The following PITRM1 variants were observed in gnomAD, a reference collection of about 807,000 sequenced individuals.
PITRM1 encodes the protein pitrilysin metallopeptidase 1.
A neutral mutation model predicts 129.9 loss-of-function variants in PITRM1; 100 were observed. That is an observed-to-expected ratio of 0.77 (90% confidence interval 0.65 to 0.91). PITRM1 has a LOEUF of 0.91. Among genes scored for constraint, PITRM1 ranks in the 40% least tolerant of loss-of-function variants. The probability of loss-of-function intolerance (pLI) is 0.00; values close to 1 mark genes in which losing one functional copy is unlikely to be tolerated. For synonymous variants in PITRM1, 591 were observed against 508.8 expected, an observed-to-expected ratio of 1.16 and a Z score of -2.17; for missense variants, 1,471 against 1,318.3, an observed-to-expected ratio of 1.12 and a Z score of -1.79.
chr10:3,143,288 AG>A (rs1360595281), intron 23 of PITRM1, 100 bp downstream of exon 23: 1 of 729,616 alleles, frequency 1.4e-6, no homozygotes, highest in African/African-American at 1.7e-5. Flanking sequence ...GAGTCAGCAC[AG>A]ACTTTTCCTG....
intron 14 of PITRM1, among the ~76,000 whole-genome samples, chr10:3,154,355 G>C (rs1011261275): frequency 3.3e-5 from 5 of 152,196 alleles, no homozygotes; most frequent in Non-Finnish European, 5.9e-5. Context: ...GTGCATGTTG[G>C]CTGGCACTGT....
At chr10:3,169,990 T>C in intron 2 of PITRM1, 114 bp downstream of exon 2, 1 of 691,642 alleles carries the variant, frequency 1.4e-6, no homozygotes, top group Non-Finnish European at 2.5e-6. Context: ...GCCAGGGCCT[T>C]GGGACACAAG....
At chr10:3,150,484 T>A (rs1480711171) in intron 15 of PITRM1, among the ~76,000 whole-genome samples, 1 of 152,110 alleles carries the variant, frequency 6.6e-6, no homozygotes, top group Non-Finnish European at 1.5e-5. Context: ...TGGAGACGCT[T>A]CACAGGACAC....
chr10:3,172,797 C>A (rs771918313), upstream of PITRM1: 213 of 1,471,352 alleles, frequency 1.4e-4, 3 homozygotes, highest in South Asian at 2.5e-3. Flanking sequence ...ACCTGGCTGG[C>A]GAGGAACCCC....
At position 3,147,152 on chromosome 10, in the gene PITRM1, CAT is replaced by C; in HGVS notation, c.2332_2333del (p.Met778GlufsTer23). 6.8e-7 allele frequency: 1 copy of C among 1,465,206 alleles called. No homozygotes were observed. The highest frequency in any genetic ancestry group is 9.6e-7 in the Non-Finnish European group (1 of 1,045,056). 90.8% of individuals were successfully genotyped at this position (1,465,206 alleles called of 1,614,324 possible). ...TTAGAAACAAATCACACATGCACCTCATATTATCACCATTTAACAAGTGTTTC... is the reference window on the plus strand; with the variant it reads ...TTAGAAACAAATCACACATGCACCTCATTATCACCATTTAACAAGTGTTTC... Reference protein sequence around the residue: ...IKKHLLNGDNMRCSVNATPQQ... With the variant: ...IKKHLLNGDNXRCSVNATPQQ... On this transcript the variant is annotated frameshift_variant, in exon 20 of 27. Coordinates refer to ENST00000224949, the MANE Select transcript of PITRM1 (RefSeq NM_014889.4). LOFTEE classifies it high-confidence loss of function.
intron 2 of PITRM1, among the ~76,000 whole-genome samples, chr10:3,167,307 G>A (rs1355988750): frequency 6.6e-6 from 1 of 152,202 alleles, no homozygotes; most frequent in Non-Finnish European, 1.5e-5. Context: ...GAGCGAGCGC[G>A]AGAGCGCACG....
chr10:3,158,997 T>G lies in PITRM1; in HGVS notation c.1053A>C (p.Ser351=), dbSNP rs1179733013. The change falls in exon 10 of 27, where the codon TCA becomes TCC. Residue 351 remains serine (S), a synonymous_variant. Transcript: ENST00000224949. ...FEAFTLSLLS[S]LLTSGPNSPF... ...GAGAATTGGGCCCAGAAGTCAAGAGTGAAGACAGAAGACTTAATGTGAAGG... is the reference window on the plus strand; with the variant it reads ...GAGAATTGGGCCCAGAAGTCAAGAGGGAAGACAGAAGACTTAATGTGAAGG... 6.2e-7 allele frequency: 1 copy of G among 1,612,482 alleles called. No individual in the cohort carries two copies. Among genetic ancestry groups the G allele is most frequent in the Admixed American group, 1.7e-5 (1 of 59,908 alleles).
chr10:3,138,827 C>A (rs781704632), intron 25 of PITRM1, 77 bp downstream of exon 25: 3 of 1,396,508 alleles, frequency 2.1e-6, no homozygotes, highest in Non-Finnish European at 3.1e-6. Flanking sequence ...CCTGCCCATG[C>A]ATGCCGGGAA....
Position 3,147,080 on chromosome 10 carries a change from TAAG to T in PITRM1, c.2336+67_2336+69del, listed in dbSNP as rs763034746. 1.6e-3 allele frequency: 1,288 copies of T among 828,386 alleles called. 17 individuals carry two copies. The African/African-American group carries it at 0.02, about 13-fold the overall frequency. 51.3% of individuals were successfully genotyped at this position (828,386 alleles called of 1,614,324 possible). ...CACTCTATCTTGAAGTTTCTACAAG[TAAG>T]AAATACCTAAAAACTATACTTAATA... On this transcript the variant is annotated intron_variant, in intron 20 of 26. Coordinates refer to ENST00000224949, the MANE Select transcript of PITRM1 (RefSeq NM_014889.4).
chr10:3,158,842 G>T, intron 10 of PITRM1, 72 bp downstream of exon 10: 2 of 1,370,690 alleles, frequency 1.5e-6, no homozygotes, highest in Non-Finnish European at 2.0e-6. Flanking sequence ...GCCGGGACAG[G>T]GTGCGGAGGT....
chr10:3,165,111 C>T, intron 6 of PITRM1, 127 bp downstream of exon 6: 1 of 752,598 alleles, frequency 1.3e-6, no homozygotes, highest in East Asian at 2.7e-5. Flanking sequence ...GCACTGACCC[C>T]AGCTAATTCA....
intron 15 of PITRM1, among the ~76,000 whole-genome samples, chr10:3,150,179 T>C (rs1217995461): frequency 1.3e-5 from 2 of 152,072 alleles, no homozygotes; most frequent in African/African-American, 4.8e-5. Context: ...ACAAGGCTCC[T>C]GGTGTCCCCC....
At chr10:3,152,571 C>T (rs1200817253) in intron 14 of PITRM1, among the ~76,000 whole-genome samples, 1 of 152,248 alleles carries the variant, frequency 6.6e-6, no homozygotes, top group African/African-American at 2.4e-5. Flanking sequence ...GGAGCCGCAA[C>T]TGCCATCAAT....
At chr10:3,172,555 G>A (rs1010178206) in intron 1 of PITRM1, among the ~76,000 whole-genome samples, 162 bp downstream of exon 1, 14 of 152,144 alleles carry the variant, frequency 9.2e-5, no homozygotes, top group Admixed American at 2.0e-4. Context: ...TCGGAGCCTC[G>A]GATGCGGGAG....
intron 16 of PITRM1, chr10:3,149,349 C>A (rs545022100): frequency 3.7e-5 from 11 of 298,912 alleles, no homozygotes; most frequent in Non-Finnish European, 6.8e-5. Flanking sequence ...CGGATTAAAC[C>A]ATCAATCCTT....
chr10:3,145,050 G>A (rs1374706291), intron 21 of PITRM1: 2 of 153,414 alleles, frequency 1.3e-5, no homozygotes, highest in Admixed American at 6.5e-5. Flanking sequence ...CCACTCCCAG[G>A]GGCCAACAGA....
rs780028547 is a variant in PITRM1 at position 3,140,676 on chromosome 10, G to A, written c.2771+11C>T. On this transcript the variant is annotated intron_variant, in intron 24 of 26. Coordinates refer to ENST00000224949, the MANE Select transcript of PITRM1 (RefSeq NM_014889.4). Reference sequence around the variant, plus strand: ...TGTGCATCCCAATGTGTGAACTAGAGCAAAACTCACCTGTAAGAGTAAAGG... The same window carrying A: ...TGTGCATCCCAATGTGTGAACTAGAACAAAACTCACCTGTAAGAGTAAAGG... The A allele has an allele frequency of 1.1e-5, 17 of 1,594,386 alleles. No homozygotes were observed. The African/African-American group carries it at 1.5e-4, about 14-fold the overall frequency.
chr10:3,158,905 T>C lies in PITRM1; in HGVS notation c.1136+9A>G, dbSNP rs3814594. 1,109,094 of 1,611,262 alleles carry C rather than the reference T, an allele frequency of 0.69. 384,641 individuals carry two copies. The highest frequency in any genetic ancestry group is 0.71 in the Non-Finnish European group (839,590 of 1,178,208). ...GAGAACTACTGATCTAATCTAATCA[T>C]AAACTCACCCAACATCAGGAGAAAA... On this transcript the variant is annotated intron_variant, in intron 10 of 26. Transcript: ENST00000224949.
chr10:3,166,969 T>G lies in PITRM1; in HGVS notation c.233A>C (p.His78Pro). The change falls in exon 3 of 27, where the codon CAC becomes CCC. Residue 78 changes from histidine (H) to proline (P), a missense_variant. Physicochemically the swap from His to Pro is moderately conservative, Grantham distance 77. Transcript: ENST00000224949. The part of the protein sequence containing the change: ...THDDTGARYL[H>P]LAREDTNNLF... ...ATTATTCGTGTCTTCTCTGGCCAGG[T>G]GTAAATACCTGGCTCCTGTGTCATC... The G allele has an allele frequency of 6.2e-7, 1 of 1,610,772 alleles. No homozygotes were observed.
Sources: allele counts gnomAD v4.1 joint callset (sites outside exome capture counted in the v4.1 genomes callset), GRCh38; gene constraint gnomAD v4.1.1; transcripts MANE v1.5; gene names NCBI Gene and HGNC (gene_info 2026-07-23, HGNC 2026-07-21).